PSMA6: variants seen among roughly 807,000 people sequenced by gnomAD.
PSMA6 encodes the protein proteasome 20S subunit alpha 6, also known as proteasome subunit alpha type-6.
For synonymous variants in PSMA6, 88 were observed against 97.7 expected (o/e 0.90, Z 0.59); for missense variants, 170 against 294.8 (o/e 0.58, Z 3.10).
intron 4 of PSMA6, among the ~76,000 whole-genome samples, chr14:35,311,870 T>C (rs976214616): frequency 2.6e-5 from 4 of 152,098 alleles, no homozygotes; most frequent in African/African-American, 9.7e-5. Context: ...TGTATTTCAG[T>C]TTGTGCCAGC....
intron 1 of PSMA6, chr14:35,293,121 C>A (rs536690732): frequency 2.8e-5 from 12 of 431,952 alleles, no homozygotes; most frequent in African/African-American, 2.2e-4. Context: ...TTAAAAGTGC[C>A]AATTTACAAA....
chr14:35,296,482 C>T (rs2051590744), intron 1 of PSMA6, among the ~76,000 whole-genome samples: 2 of 152,116 alleles, frequency 1.3e-5, no homozygotes, highest in Admixed American at 1.3e-4. Flanking sequence ...AGGCGCCTGC[C>T]ACCATGCCCG....
intron 4 of PSMA6, among the ~76,000 whole-genome samples, chr14:35,312,562 C>G (rs1015978239): frequency 7.0e-6 from 1 of 143,106 alleles, no homozygotes; most frequent in African/African-American, 2.7e-5. Context: ...GACCAGGCAA[C>G]ATCTTGAAGG....
upstream of PSMA6, among the ~76,000 whole-genome samples, chr14:35,289,753 C>G (rs1296814049): frequency 6.6e-6 from 1 of 151,906 alleles, no homozygotes; most frequent in Non-Finnish European, 1.5e-5. Flanking sequence ...AACCTAGTCT[C>G]TAAAAAAAAT....
At chr14:35,304,686 C>G (rs906058770) in intron 1 of PSMA6, among the ~76,000 whole-genome samples, 3 of 149,874 alleles carry the variant, frequency 2.0e-5, no homozygotes, top group Non-Finnish European at 3.0e-5. Flanking sequence ...AAGATTGCAC[C>G]ACTGCACTCC....
At chr14:35,311,545 C>T (rs1420497264) in intron 4 of PSMA6, among the ~76,000 whole-genome samples, 1 of 152,094 alleles carries the variant, frequency 6.6e-6, no homozygotes, top group Non-Finnish European at 1.5e-5. Context: ...CTTGCAAGAC[C>T]TTGAAGGAAA....
chr14:35,291,877 A>C (rs1425526217), upstream of PSMA6, among the ~76,000 whole-genome samples: 2 of 151,700 alleles, frequency 1.3e-5, no homozygotes, highest in Non-Finnish European at 2.9e-5. Flanking sequence ...TGCTGGCCAA[A>C]AGAAGATCTT....
At chr14:35,279,797 A>G (rs1389150557) in intron 1 of PSMA6, among the ~76,000 whole-genome samples, 1 of 152,238 alleles carries the variant, frequency 6.6e-6, no homozygotes, top group African/African-American at 2.4e-5. Flanking sequence ...GGAAATCAGT[A>G]TTGAATAGTT....
At chr14:35,294,950 A>G (rs907146600) in intron 1 of PSMA6, among the ~76,000 whole-genome samples, 1 of 152,294 alleles carries the variant, frequency 6.6e-6, no homozygotes, top group African/African-American at 2.4e-5. Flanking sequence ...AGATTAATGG[A>G]AGGTAACTAT....
At chr14:35,281,493 C>G (rs1463320497) in intron 1 of PSMA6, among the ~76,000 whole-genome samples, 1 of 152,154 alleles carries the variant, frequency 6.6e-6, no homozygotes, top group African/African-American at 2.4e-5. Flanking sequence ...AGTTCTGATT[C>G]AGGTCTGACA....
At chr14:35,314,685 C>A in intron 6 of PSMA6, 1 of 329,506 alleles carries the variant, frequency 3.0e-6, no homozygotes, top group Non-Finnish European at 5.0e-6. Context: ...ATATCTAACA[C>A]CAGAGATGAC....
At chr14:35,297,140 T>TC in intron 1 of PSMA6, among the ~76,000 whole-genome samples, 1 of 150,164 alleles carries the variant, frequency 6.7e-6, no homozygotes, top group Admixed American at 6.7e-5. Context: ...TTTTTTTTTT[T>TC]TTTTTTGCCA....
Position 35,295,227 on chromosome 14 carries a change from C to T in PSMA6, c.76+2675C>T, listed in dbSNP as rs141744969. On this transcript the variant is annotated intron_variant, in intron 1 of 6. Transcript: ENST00000261479. ...GCTGGCGTGCCTGTAGTCCTACCTC[C>T]TCAGGAAGCTGAGGCACAAGAATCG... 2.1e-4 allele frequency among the ~76,000 whole-genome samples: 32 copies of T among 151,848 alleles called. No individual in the cohort carries two copies. The East Asian group carries it at 6.1e-3, about 29-fold the overall frequency.
At chr14:35,305,774 T>A in intron 1 of PSMA6, among the ~76,000 whole-genome samples, 1 of 152,234 alleles carries the variant, frequency 6.6e-6, no homozygotes, top group East Asian at 1.9e-4. Flanking sequence ...CATGAGCATG[T>A]ATTGATTTTT....
chr14:35,303,284 G>A (rs557086637), intron 1 of PSMA6, among the ~76,000 whole-genome samples: 14 of 152,278 alleles, frequency 9.2e-5, no homozygotes, highest in African/African-American at 2.9e-4. Context: ...TAACTAGGCC[G>A]CTTGGAGTCT....
At chr14:35,281,643 A>C (rs980004373) in intron 1 of PSMA6, among the ~76,000 whole-genome samples, 2 of 152,240 alleles carry the variant, frequency 1.3e-5, no homozygotes, top group Non-Finnish European at 2.9e-5. Flanking sequence ...CACACTCAGC[A>C]GACTTAACTG....
chr14:35,315,182 G>A (rs1246141021), intron 6 of PSMA6: 1 of 152,024 alleles, frequency 6.6e-6, no homozygotes, highest in Admixed American at 6.6e-5. Context: ...GGAACTACTG[G>A]GAGGCATTTT....
chr14:35,283,816 A>G (rs1022324830), intron 1 of PSMA6, among the ~76,000 whole-genome samples: 4 of 151,808 alleles, frequency 2.6e-5, no homozygotes, highest in African/African-American at 7.3e-5. Flanking sequence ...AATCCTCCCA[A>G]CTCGGCCTCC....
chr14:35,294,084 G>C (rs962171222), intron 1 of PSMA6, among the ~76,000 whole-genome samples: 1 of 152,204 alleles, frequency 6.6e-6, no homozygotes, highest in Non-Finnish European at 1.5e-5. Flanking sequence ...CACTCTTGTT[G>C]CCTAGGCTGG....
Sources: gnomAD v4.1 joint callset for allele counts (sites outside exome capture counted in the v4.1 genomes callset) on GRCh38, gnomAD v4.1.1 for gene constraint, MANE v1.5 for transcripts, NCBI Gene and HGNC (gene_info 2026-07-23, HGNC 2026-07-21) for gene names.